The following RCL1 variants were observed in gnomAD, a reference collection of about 807,000 sequenced individuals.
RCL1 encodes RNA terminal phosphate cyclase like 1.
A neutral mutation model predicts 42.4 loss-of-function variants in RCL1; 24 were observed. That is an observed-to-expected ratio of 0.57 (90% CI 0.41 to 0.80). The LOEUF is 0.80. Among genes scored for constraint, RCL1 ranks in the 30% least tolerant of loss-of-function variants. The pLI, the probability that RCL1 is intolerant of heterozygous loss-of-function variation, is 0.00. For synonymous variants in RCL1, 228 were observed against 177.3 expected, an observed-to-expected ratio of 1.29 and a Z score of -2.27; for missense variants, 578 against 467.9, an observed-to-expected ratio of 1.24 and a Z score of -2.17.
At chr9:4,798,918 C>T (rs960677733) in intron 1 of RCL1, among the ~76,000 whole-genome samples, 1 of 146,814 alleles carries the variant, frequency 6.8e-6, no homozygotes, top group Admixed American at 6.9e-5. Flanking sequence ...GCCAAGAATC[C>T]TAATGACCAG....
At chr9:4,858,193 A>G (rs1267944825) in intron 8 of RCL1, among the ~76,000 whole-genome samples, 1 of 151,898 alleles carries the variant, frequency 6.6e-6, no homozygotes, top group Non-Finnish European at 1.5e-5. Context: ...TCGTTTAATT[A>G]GGTTATTTGT....
chr9:4,822,483 C>T (rs1276476094), intron 1 of RCL1, among the ~76,000 whole-genome samples: 4 of 152,140 alleles, frequency 2.6e-5, no homozygotes, highest in Non-Finnish European at 5.9e-5. Flanking sequence ...CTTCCTTTCC[C>T]CTTCTTTTTT....
At chr9:4,857,458 GAA>G (rs34756562) in intron 8 of RCL1, among the ~76,000 whole-genome samples, 95 of 149,680 alleles carry the variant, frequency 6.3e-4, no homozygotes, top group Non-Finnish European at 1.1e-3. Context: ...TTTTATGGCA[GAA>G]AAAAAAAAAT....
rs183449008 is a variant in RCL1 at position 4,831,440 on chromosome 9, G to A, written c.385-1714G>A. The stretch of plus-strand genomic sequence containing the variant: ...CCTCGACTGTATTCTTCTTTATCTG[G>A]CAACGCCAAATGCATATATTAAGTT... On this transcript the variant is annotated intron_variant, in intron 3 of 8. Coordinates refer to ENST00000381750, the MANE Select transcript of RCL1 (RefSeq NM_005772.5). Among the ~76,000 whole-genome samples, 237 of 151,840 alleles carry A rather than the reference G, an allele frequency of 1.6e-3. 2 individuals carry two copies. The highest frequency in any genetic ancestry group is 2.4e-3 in the Non-Finnish European group (165 of 68,006).
chr9:4,797,652 G>A (rs1301582323), intron 1 of RCL1, among the ~76,000 whole-genome samples: 1 of 152,194 alleles, frequency 6.6e-6, no homozygotes, highest in East Asian at 1.9e-4. Context: ...TAGTGCTGAT[G>A]TAGAAAAACC....
chr9:4,849,106 TG>T lies in RCL1; in HGVS notation c.868-340del, dbSNP rs199804027. On this transcript the variant is annotated intron_variant, in intron 7 of 8. Transcript: ENST00000381750. ...GAACTGATTAAGATTTTTTTTTTTT[TG>T]CATATACTCAATAAAGATGATGTCC... 1.2e-3 allele frequency among the ~76,000 whole-genome samples: 187 copies of T among 151,264 alleles called. 1 individual carries two copies. The highest frequency in any genetic ancestry group is 6.9e-3 in the Middle Eastern group (2 of 288).
At chr9:4,821,881 T>G (rs1323157577) in intron 1 of RCL1, among the ~76,000 whole-genome samples, 1 of 152,256 alleles carries the variant, frequency 6.6e-6, no homozygotes, top group Non-Finnish European at 1.5e-5. Context: ...CCTTGTGGCT[T>G]AATCACCTTT....
intron 5 of RCL1, chr9:4,839,968 G>A (rs1817260042): frequency 4.3e-6 from 4 of 926,422 alleles, no homozygotes; most frequent in African/African-American, 1.8e-5. Flanking sequence ...TGAGGAATTT[G>A]GTCAGTTTGG....
chr9:4,819,938 A>G (rs1348927509), intron 1 of RCL1, among the ~76,000 whole-genome samples: 2 of 152,228 alleles, frequency 1.3e-5, no homozygotes, highest in Non-Finnish European at 2.9e-5. Flanking sequence ...AGTAGTGCAT[A>G]AGAGATCGTA....
chr9:4,841,069 A>G (rs1256044891), intron 5 of RCL1, 163 bp from the exon 6 acceptor site: 5 of 701,436 alleles, frequency 7.1e-6, no homozygotes, highest in Admixed American at 5.8e-5. Context: ...TAATAATGAA[A>G]AAAATTTAAT....
Position 4,860,105 on chromosome 9 carries a change from T to G in RCL1, c.972-20T>G. ...GAATGAATTTCTTTTTATTTATTTA[T>G]TTATTTTTTTCCTTTTTAGGATAGA... is the stretch of plus-strand genomic sequence containing the variant. On this transcript the variant is annotated intron_variant, in intron 8 of 8. Coordinates refer to ENST00000381750, the MANE Select transcript of RCL1 (RefSeq NM_005772.5). 1 of 1,478,878 alleles carries G rather than the reference T, an allele frequency of 6.8e-7. No homozygotes were observed. The allele number at this position is 1,478,878 out of a possible 1,614,324, so 91.6% of individuals were successfully genotyped here. A position where few individuals can be genotyped will look rare whatever the true frequency, so the allele number is the denominator to read the frequency against.
chr9:4,813,940 A>T (rs1816275673), intron 1 of RCL1, among the ~76,000 whole-genome samples: 1 of 152,204 alleles, frequency 6.6e-6, no homozygotes, highest in Non-Finnish European at 1.5e-5. Context: ...TCGCAAGGAC[A>T]GAAAACCAAA....
intron 7 of RCL1, 132 bp downstream of exon 7, chr9:4,844,813 A>T (rs888341310): frequency 7.4e-5 from 64 of 862,090 alleles, no homozygotes; most frequent in Non-Finnish European, 1.1e-4. Flanking sequence ...TGCATTAAGC[A>T]GTTCAGCCTT....
chr9:4,806,531 A>G (rs370256961), intron 1 of RCL1, among the ~76,000 whole-genome samples: 2 of 150,256 alleles, frequency 1.3e-5, no homozygotes, highest in Admixed American at 6.7e-5. Context: ...TATTGCCTTG[A>G]TTGATATTTA....
At chr9:4,818,753 T>C (rs1380649943) in intron 1 of RCL1, among the ~76,000 whole-genome samples, 1 of 151,842 alleles carries the variant, frequency 6.6e-6, no homozygotes, top group Non-Finnish European at 1.5e-5. Flanking sequence ...GTGCCTGTAG[T>C]CCTAGCTACT....
At chr9:4,851,605 T>C (rs1160816181) in intron 8 of RCL1, among the ~76,000 whole-genome samples, 1 of 152,220 alleles carries the variant, frequency 6.6e-6, no homozygotes, top group Admixed American at 6.5e-5. Context: ...GGGAATAGTT[T>C]ATTCTAATGG....
intron 1 of RCL1, among the ~76,000 whole-genome samples, chr9:4,797,099 G>A (rs989440798): frequency 1.3e-5 from 2 of 152,130 alleles, no homozygotes; most frequent in African/African-American, 2.4e-5. Context: ...TCTGCCTTTC[G>A]CTATTAGCTC....
In RCL1 at chr9:4,824,989, G is replaced by A. The variant is rs148774173; in HGVS notation, c.208+1370G>A. On this transcript the variant is annotated intron_variant, in intron 2 of 8. Transcript: ENST00000381750. The stretch of plus-strand genomic sequence containing the variant: ...TGCAGTGGTGCGATCTTGGCACATG[G>A]CGACTTCTGCCTCCCGGGTTCAAAC... Among the ~76,000 whole-genome samples, 374 of 152,202 alleles carry A rather than the reference G, an allele frequency of 2.5e-3. 2 individuals carry two copies. The highest frequency in any genetic ancestry group is 8.6e-3 in the African/African-American group (358 of 41,518).
intron 1 of RCL1, among the ~76,000 whole-genome samples, chr9:4,806,364 T>C (rs1263368389): frequency 6.6e-6 from 1 of 152,152 alleles, no homozygotes; most frequent in Non-Finnish European, 1.5e-5. Flanking sequence ...ATGTTTTATG[T>C]AGATTTTAAA....
Sources: gnomAD v4.1 joint callset for allele counts (sites outside exome capture counted in the v4.1 genomes callset) on GRCh38, gnomAD v4.1.1 for gene constraint, MANE v1.5 for transcripts, NCBI Gene and HGNC (gene_info 2026-07-23, HGNC 2026-07-21) for gene names.